Variants in CASP1 observed in about 807,000 individuals in gnomAD.
CASP1 encodes the protein caspase 1, also known as caspase-1.
Under a neutral mutation model 41.2 loss-of-function variants are expected in CASP1, and 31 were observed. The observed-to-expected ratio is 0.75, with a 90% CI of 0.57 to 1.02. The LOEUF (loss-of-function observed/expected upper bound fraction) is 1.02. Among genes scored for constraint, CASP1 ranks in the 50% least tolerant of loss-of-function variants. CASP1 has a pLI of 0.00. For synonymous variants in CASP1, 163 were observed against 166.5 expected (o/e 0.98, Z 0.16); for missense variants, 490 against 495.7 (o/e 0.99, Z 0.11).
chr11:105,027,488 T>C (rs1167160878), intron 7 of CASP1, among the ~76,000 whole-genome samples: 4 of 152,036 alleles, frequency 2.6e-5, no homozygotes, highest in Admixed American at 2.0e-4. Flanking sequence ...AAAAAGTTCT[T>C]ATGAAGAAGA....
Position 105,026,880 on chromosome 11 carries a change from A to G in CASP1, c.1078T>C (p.Tyr360His), listed in dbSNP as rs1256198695. 9 of 1,610,574 alleles carry G rather than the reference A, an allele frequency of 5.6e-6. No individual in the cohort carries two copies. Among genetic ancestry groups the G allele is most frequent in the Non-Finnish European group, 7.6e-6 (9 of 1,177,068 alleles). The change falls in exon 8 of 9, where the codon TAT (tyrosine) becomes CAT (histidine). Residue 360 changes from tyrosine to histidine, a missense_variant. By Grantham distance (83) the Tyr-to-His change is moderately conservative. Coordinates refer to ENST00000533400, the MANE Select transcript of CASP1 (RefSeq NM_001257118.3). The stretch of plus-strand genomic sequence containing the variant: ...TCCTCCACATCACAGGAACAGGCAT[A>G]TTCTTGCATATGTTCAATGAGTCTT... ...IGRLIEHMQE[Y>H]ACSCDVEEIF...
At chr11:105,033,360 C>A (rs912641526) in intron 2 of CASP1, among the ~76,000 whole-genome samples, 1 of 152,190 alleles carries the variant, frequency 6.6e-6, no homozygotes, top group Non-Finnish European at 1.5e-5. Context: ...GAAACATCTG[C>A]AATGTCTGCT....
chr11:105,035,619 T>TTTTTTTG (rs1555005480), upstream of CASP1, among the ~76,000 whole-genome samples: 1 of 43,710 alleles, frequency 2.3e-5, no homozygotes, highest in Non-Finnish European at 4.9e-5. Context: ...TTTCTTTCTG[T>TTTTTTTG]TTTTTTTTTT....
upstream of CASP1, among the ~76,000 whole-genome samples, chr11:105,035,618 G>GTTTTTTTTTTTTTTTTTTTTTTTTTTT (rs56746743): frequency 1.8e-3 from 185 of 103,410 alleles, 10 homozygotes; most frequent in Non-Finnish European, 2.3e-3. Flanking sequence ...TTTTCTTTCT[G>GTTTTTTTTTTTTTTTTTTTTTTTTTTT]TTTTTTTTTT....
chr11:105,026,975 T>C (rs774671991), intron 7 of CASP1, 24 bp from the exon 8 acceptor site: 62 of 1,266,262 alleles, frequency 4.9e-5, no homozygotes, highest in Non-Finnish European at 7.1e-5. Flanking sequence ...ACATTTCAAA[T>C]CTCAAGACTG....
At position 105,026,895 on chromosome 11, in the gene CASP1, C is replaced by A; in HGVS notation, c.1063G>T (p.Glu355Ter). The A allele has an allele frequency of 6.2e-7, 1 of 1,611,698 alleles. No homozygotes were observed. Among genetic ancestry groups the A allele is most frequent in the Non-Finnish European group, 8.5e-7 (1 of 1,177,992 alleles). ...GAACAGGCATATTCTTGCATATGTTCAATGAGTCTTCCAATAAAAACAGAG... is the reference window on the plus strand; with the variant it reads ...GAACAGGCATATTCTTGCATATGTTAAATGAGTCTTCCAATAAAAACAGAG... Reference protein sequence around the residue: ...MGSVFIGRLIEHMQEYACSCD... With the variant: ...MGSVFIGRLI Residue 355 changes from glutamate (E) to a stop codon, truncating the protein, a stop_gained, in exon 8 of 9, where the codon GAA (glutamate) becomes TAA (stop). Coordinates refer to ENST00000533400, the MANE Select transcript of CASP1 (RefSeq NM_001257118.3). LOFTEE classifies it high-confidence loss of function.
In CASP1 at chr11:105,029,278, A is replaced by T. The variant is rs1863521974; in HGVS notation, c.863-11T>A. On this transcript the variant is annotated splice_polypyrimidine_tract_variant and intron_variant, in intron 6 of 8. Coordinates refer to ENST00000533400, the MANE Select transcript of CASP1 (RefSeq NM_001257118.3). ...CCACACCAGGGCTGTCTGGAAAGAC[A>T]CAGTTTGATTTGTTACTACTACCAA... 6.2e-7 allele frequency: 1 copy of T among 1,607,634 alleles called. No individual in the cohort carries two copies. The highest frequency in any genetic ancestry group is 8.5e-7 in the Non-Finnish European group (1 of 1,177,798).
At chr11:105,026,995 T>G (rs530261075) in intron 7 of CASP1, 44 bp from the exon 8 acceptor site, 2 of 1,095,770 alleles carry the variant, frequency 1.8e-6, no homozygotes, top group Admixed American at 1.7e-5. Context: ...GGCTCTTGCC[T>G]GAAGAAAGAG....
rs1434941114 is a variant in CASP1, at chr11:105,026,888, A to G, written c.1070T>C (p.Met357Thr). The G allele has an allele frequency of 6.2e-7, 1 of 1,611,562 alleles. No individual in the cohort carries two copies. The highest frequency in any genetic ancestry group is 1.3e-5 in the African/African-American group (1 of 74,858). The change falls in exon 8 of 9, where the codon ATG becomes ACG. Residue 357 changes from methionine to threonine, a missense_variant. Met to Thr is a moderately conservative substitution (Grantham distance 81). Transcript: ENST00000533400. ...SVFIGRLIEHMQEYACSCDVE... is the reference protein window; with the variant it reads ...SVFIGRLIEHTQEYACSCDVE... Reference sequence around the variant, plus strand: ...ATCACAGGAACAGGCATATTCTTGCATATGTTCAATGAGTCTTCCAATAAA... The same window carrying G: ...ATCACAGGAACAGGCATATTCTTGCGTATGTTCAATGAGTCTTCCAATAAA...
intron 2 of CASP1, among the ~76,000 whole-genome samples, chr11:105,033,382 A>C (rs1161554719): frequency 6.6e-6 from 1 of 152,244 alleles, no homozygotes; most frequent in Non-Finnish European, 1.5e-5. Flanking sequence ...AGACAGGCAT[A>C]AGCTTTCCCT....
At chr11:105,034,139 T>C in intron 2 of CASP1, 69 bp downstream of exon 2, 1 of 1,612,066 alleles carries the variant, frequency 6.2e-7, no homozygotes, top group Non-Finnish European at 8.5e-7. Flanking sequence ...ACATGACTAG[T>C]AAAGAAATCA....
At position 105,034,779 on chromosome 11, in the gene CASP1, C is replaced by A. The variant is rs556259045; in HGVS notation, c.8-305G>T. On this transcript the variant is annotated intron_variant, in intron 1 of 8. Transcript: ENST00000533400. ...AATAAAGTAATGAAGCAGAAATAGC[C>A]CATTTCATTTAGGAACCACTGCTGC... The A allele has an allele frequency of 2.8e-5, 17 of 600,114 alleles. No individual in the cohort carries two copies. The East Asian group carries it at 4.5e-4, about 16-fold the overall frequency. 37.2% of individuals were successfully genotyped at this position (600,114 alleles called of 1,614,324 possible). A position where few individuals can be genotyped will look rare whatever the true frequency, so the allele number is the denominator to read the frequency against.
intron 6 of CASP1, 70 bp from the exon 7 acceptor site, chr11:105,029,337 T>G: frequency 1.5e-6 from 2 of 1,316,548 alleles, no homozygotes; most frequent in Non-Finnish European, 2.1e-6. Flanking sequence ...TAGCCTCTGT[T>G]CAATGATATT....
intron 8 of CASP1, 28 bp downstream of exon 8, chr11:105,026,814 G>C: frequency 8.7e-7 from 1 of 1,146,384 alleles, no homozygotes. Context: ...GGGAAGTAGA[G>C]TGAAAATAGC....
At position 105,026,942 on chromosome 11, in the gene CASP1, GA is replaced by G. The variant is rs1391234804; in HGVS notation, c.1015del (p.Ser339LeufsTer54). ...AFCSSTPDNV[S>X]WRHPTMGSVF... ...AGAGCCCATTGTGGGATGTCTCCAA[GA>G]AACATTATCTATGGATAAAGCACAT... On this transcript the variant is annotated frameshift_variant, in exon 8 of 9. Coordinates refer to ENST00000533400, the MANE Select transcript of CASP1 (RefSeq NM_001257118.3). LOFTEE classifies it high-confidence loss of function. The G allele has an allele frequency of 6.4e-7, 1 of 1,567,804 alleles. No homozygotes were observed. The highest frequency in any genetic ancestry group is 8.8e-7 in the Non-Finnish European group (1 of 1,138,134).
intron 3 of CASP1, among the ~76,000 whole-genome samples, chr11:105,032,805 T>C (rs1475874618): frequency 6.6e-6 from 1 of 152,174 alleles, no homozygotes; most frequent in Non-Finnish European, 1.5e-5. Context: ...AGTGAATATT[T>C]CAGTAGGCTT....
In CASP1 at chr11:105,034,390, T is replaced by C; in HGVS notation, c.92A>G (p.Gln31Arg). 1.2e-6 allele frequency: 2 copies of C among 1,614,206 alleles called. No homozygotes were observed. The highest frequency in any genetic ancestry group is 2.2e-5 in the South Asian group (2 of 91,088). The change falls in exon 2 of 9, where the codon CAG (glutamine) becomes CGG (arginine). Residue 31 changes from glutamine to arginine, a missense_variant. Physicochemically the swap from Gln to Arg is conservative, Grantham distance 43 (BLOSUM62 1). Coordinates refer to ENST00000533400, the MANE Select transcript of CASP1 (RefSeq NM_001257118.3). ...CTCTTCCTTGTTCAGCACCCTTGTC[T>C]GTAATAATTCATCCAGTAAGCCATT... is the stretch of plus-strand genomic sequence containing the variant. ...TINGLLDELL[Q>R]TRVLNKEEME...
intron 7 of CASP1, among the ~76,000 whole-genome samples, chr11:105,027,555 C>T (rs911849695): frequency 2.0e-5 from 3 of 151,860 alleles, no homozygotes; most frequent in Non-Finnish European, 4.4e-5. Context: ...GTAATGAAGG[C>T]ATAAAATTAT....
In CASP1 at chr11:105,029,802, C is replaced by G; in HGVS notation, c.725G>C (p.Gly242Ala). Residue 242 changes from glycine (G) to alanine (A), a missense_variant, in exon 6 of 9, where the codon GGC becomes GCC. Coordinates refer to ENST00000533400, the MANE Select transcript of CASP1 (RefSeq NM_001257118.3). ...LVFMSHGIRE[G>A]ICGKKHSEQV... ...CTCAGAGTGTTTCTTCCCACAAATGCCTTCCCGAATACCATGAGACATGAA... is the reference window on the plus strand; with the variant it reads ...CTCAGAGTGTTTCTTCCCACAAATGGCTTCCCGAATACCATGAGACATGAA... 6.2e-7 allele frequency: 1 copy of G among 1,613,726 alleles called. No individual in the cohort carries two copies. Among genetic ancestry groups the G allele is most frequent in the Non-Finnish European group, 8.5e-7 (1 of 1,179,754 alleles).
Sources: gnomAD v4.1 joint callset for allele counts (sites outside exome capture counted in the v4.1 genomes callset) on GRCh38, gnomAD v4.1.1 for gene constraint, MANE v1.5 for transcripts, NCBI Gene and HGNC (gene_info 2026-07-23, HGNC 2026-07-21) for gene names.